MAGI2: variants seen among roughly 807,000 people sequenced by gnomAD.
The protein encoded by MAGI2 is membrane-associated guanylate kinase, WW and PDZ domain-containing protein 2.
A neutral mutation model predicts 133.3 loss-of-function variants in MAGI2; 35 were observed. That is an observed-to-expected ratio of 0.26 (90% CI 0.20 to 0.35). The LOEUF is 0.35. Ranked by LOEUF, MAGI2 falls within the 10% of genes least tolerant of loss-of-function variation. The pLI is 1.00. For synonymous variants in MAGI2, 729 were observed against 710.6 expected (o/e 1.03, Z -0.41); for missense variants, 1,636 against 1,863.4 (o/e 0.88, Z 2.25).
At chr7:79,417,258 T>C (rs1846598874) in intron 1 of MAGI2, among the ~76,000 whole-genome samples, 1 of 152,110 alleles carries the variant, frequency 6.6e-6, no homozygotes, top group Non-Finnish European at 1.5e-5. Flanking sequence ...TGGCTTGAAG[T>C]CTAATACTGA....
chr7:79,398,781 T>C (rs1334636167), intron 1 of MAGI2, among the ~76,000 whole-genome samples: 1 of 152,198 alleles, frequency 6.6e-6, no homozygotes, highest in African/African-American at 2.4e-5. Context: ...TATCTAATTT[T>C]TTTCTTAAAC....
intron 7 of MAGI2, chr7:78,350,014 A>G (rs1791335981): frequency 6.6e-6 from 1 of 152,174 alleles, no homozygotes; most frequent in Non-Finnish European, 1.5e-5. Context: ...ATTTAATTAT[A>G]TCTAGTCTAT....
chr7:79,405,882 G>A (rs889456857), intron 1 of MAGI2, among the ~76,000 whole-genome samples: 34 of 144,526 alleles, frequency 2.4e-4, no homozygotes, highest in Non-Finnish European at 2.8e-4. Flanking sequence ...CCTCTAGGGT[G>A]CTCCACCCTG....
At chr7:78,325,270 C>A (rs1462709887) in intron 9 of MAGI2, among the ~76,000 whole-genome samples, 1 of 152,128 alleles carries the variant, frequency 6.6e-6, no homozygotes, top group Admixed American at 6.5e-5. Context: ...AAACACTCAA[C>A]AAAGAAAATA....
chr7:78,336,181 A>T (rs1412177351), intron 9 of MAGI2, among the ~76,000 whole-genome samples: 1 of 152,186 alleles, frequency 6.6e-6, no homozygotes, highest in African/African-American at 2.4e-5. Context: ...TACCATGCAC[A>T]TGTACTGCTT....
chr7:79,434,136 A>G (rs765168016), intron 1 of MAGI2, among the ~76,000 whole-genome samples: 4 of 152,054 alleles, frequency 2.6e-5, no homozygotes, highest in African/African-American at 9.7e-5. Context: ...AAAAAAGCCA[A>G]TTGAAGTCTC....
chr7:79,208,702 T>C (rs188580105), intron 1 of MAGI2, among the ~76,000 whole-genome samples: 1 of 152,052 alleles, frequency 6.6e-6, no homozygotes, highest in East Asian at 1.9e-4. Flanking sequence ...GGAAATGCAA[T>C]CCGTATGTTG....
rs200422918 is a variant in MAGI2 at position 79,390,726 on chromosome 7, C to A, written c.301+62294G>T. Reference sequence around the variant, plus strand: ...AATCCCCTCTTCCTATTCTTCGAAGCGTGGATTTTATGAACTCAAGTCATA... The same window carrying A: ...AATCCCCTCTTCCTATTCTTCGAAGAGTGGATTTTATGAACTCAAGTCATA... On this transcript the variant is annotated intron_variant, in intron 1 of 21. Transcript: ENST00000354212. 1.1e-4 allele frequency among the ~76,000 whole-genome samples: 16 copies of A among 152,230 alleles called. No individual in the cohort carries two copies. In the East Asian group the frequency reaches 2.9e-3, roughly 28 times the overall value.
chr7:79,235,664 C>T (rs941505888), intron 1 of MAGI2, among the ~76,000 whole-genome samples: 5 of 152,086 alleles, frequency 3.3e-5, no homozygotes, highest in South Asian at 2.1e-4. Flanking sequence ...GCGCACGGTG[C>T]GCGCACCCAC....
At chr7:79,287,951 C>CA (rs1289219934) in intron 1 of MAGI2, among the ~76,000 whole-genome samples, 8 of 151,932 alleles carry the variant, frequency 5.3e-5, no homozygotes, top group African/African-American at 1.9e-4. Flanking sequence ...TTGAAAATTT[C>CA]AAAAAACCAC....
At chr7:79,408,517 C>T (rs901554515) in intron 1 of MAGI2, among the ~76,000 whole-genome samples, 6 of 151,828 alleles carry the variant, frequency 4.0e-5, no homozygotes, top group Non-Finnish European at 7.4e-5. Flanking sequence ...AAACTATGGC[C>T]TATTGTTTCC....
At chr7:79,104,643 G>A (rs1288482678) in intron 1 of MAGI2, among the ~76,000 whole-genome samples, 2 of 151,896 alleles carry the variant, frequency 1.3e-5, no homozygotes, top group South Asian at 2.1e-4. Context: ...CTTTAGCCTG[G>A]CAACAGAGCG....
chr7:78,217,010 T>C (rs1413013745), intron 10 of MAGI2, among the ~76,000 whole-genome samples: 1 of 152,158 alleles, frequency 6.6e-6, no homozygotes, highest in African/African-American at 2.4e-5. Flanking sequence ...TTCACAGACA[T>C]GCACACAGGG....
At chr7:78,510,123 G>C (rs1319437981) in intron 4 of MAGI2, among the ~76,000 whole-genome samples, 5 of 152,082 alleles carry the variant, frequency 3.3e-5, no homozygotes, top group South Asian at 4.1e-4. Flanking sequence ...AAAGAGAATA[G>C]GAATAATTTG....
chr7:79,041,985 A>AT (rs1261307785), intron 1 of MAGI2, among the ~76,000 whole-genome samples: 1 of 152,196 alleles, frequency 6.6e-6, no homozygotes, highest in East Asian at 1.9e-4. Context: ...AATTAAAAAA[A>AT]TTATAAACTA....
intron 1 of MAGI2, among the ~76,000 whole-genome samples, chr7:79,056,359 GA>G (rs1013642987): frequency 2.0e-5 from 3 of 151,666 alleles, no homozygotes; most frequent in Admixed American, 1.3e-4. Flanking sequence ...TTTTTCTAAA[GA>G]AAAAAAATCA....
intron 16 of MAGI2, among the ~76,000 whole-genome samples, chr7:78,140,813 G>A (rs962405093): frequency 2.6e-5 from 4 of 152,196 alleles, no homozygotes; most frequent in African/African-American, 4.8e-5. Context: ...TAGGCCCAGA[G>A]GGGAAGGCAA....
At chr7:79,349,125 A>G (rs1324091302) in intron 1 of MAGI2, among the ~76,000 whole-genome samples, 1 of 152,046 alleles carries the variant, frequency 6.6e-6, no homozygotes, top group African/African-American at 2.4e-5. Flanking sequence ...ATAAAACGTA[A>G]CAGTGTGTTC....
intron 9 of MAGI2, among the ~76,000 whole-genome samples, chr7:78,301,081 G>A (rs547790684): frequency 1.2e-4 from 18 of 152,252 alleles, no homozygotes; most frequent in African/African-American, 4.3e-4. Flanking sequence ...GGTGGAACTA[G>A]GGGTCAAACC....
Sources: allele counts gnomAD v4.1 joint callset (sites outside exome capture counted in the v4.1 genomes callset), GRCh38; gene constraint gnomAD v4.1.1; transcripts MANE v1.5; gene names NCBI Gene and HGNC (gene_info 2026-07-23, HGNC 2026-07-21).